TAF12: variants seen among roughly 807,000 people sequenced by gnomAD.
The protein encoded by TAF12 is TATA-box binding protein associated factor 12, also known as transcription initiation factor TFIID subunit 12.
A neutral mutation model predicts 20.8 loss-of-function variants in TAF12; 3 were observed. That is an observed-to-expected ratio of 0.14 (90% confidence interval 0.07 to 0.37). The LOEUF (loss-of-function observed/expected upper bound fraction) is 0.37. Among genes scored for constraint, TAF12 ranks in the 10% least tolerant of loss-of-function variants. The pLI is 1.00. For missense variants in TAF12, 131 were observed against 197.9 expected (o/e 0.66, Z 2.03); for synonymous variants, 69 against 70.2 (o/e 0.98, Z 0.09).
At chr1:28,610,122 T>C (rs929006970) in intron 4 of TAF12, among the ~76,000 whole-genome samples, 7 of 151,740 alleles carry the variant, frequency 4.6e-5, no homozygotes, top group Admixed American at 1.3e-4. Context: ...GGATTACAGG[T>C]ACCTGCCACC....
At chr1:28,638,173 GTATTT>G (rs766915282) in intron 1 of TAF12, among the ~76,000 whole-genome samples, 38 of 150,402 alleles carry the variant, frequency 2.5e-4, no homozygotes, top group Admixed American at 5.3e-4. Context: ...GCTAATTTTT[GTATTT>G]TATTTTATTT....
intron 1 of TAF12, among the ~76,000 whole-genome samples, chr1:28,633,647 C>T (rs1483605442): frequency 6.6e-6 from 1 of 151,498 alleles, no homozygotes; most frequent in Non-Finnish European, 1.5e-5. Context: ...TATGTTGGCT[C>T]ACACCTGTAA....
intron 1 of TAF12, among the ~76,000 whole-genome samples, chr1:28,628,149 C>T (rs984249744): frequency 2.8e-5 from 4 of 145,190 alleles, no homozygotes; most frequent in Non-Finnish European, 4.5e-5. Context: ...AACCTGAGCT[C>T]GAGACCAGCC....
Position 28,621,771 on chromosome 1 carries a change from A to C in TAF12, c.168+143T>G, listed in dbSNP as rs1449820233. ...TCTACTTATATTAAAACAAACAAAA[A>C]AAGTTAGAAATCCAAAAGAGGGAAA... On this transcript the variant is annotated intron_variant, in intron 2 of 5. Coordinates refer to ENST00000373824, the MANE Select transcript of TAF12 (RefSeq NM_005644.4). The C allele has an allele frequency of 3.1e-6, 4 of 1,299,356 alleles. No individual in the cohort carries two copies. The East Asian group carries it at 8.1e-5, about 26-fold the overall frequency. The allele number at this position is 1,299,356 out of a possible 1,614,324, so 80.5% of individuals were successfully genotyped here.
chr1:28,611,062 T>A (rs1160755691), intron 4 of TAF12, among the ~76,000 whole-genome samples: 1 of 146,598 alleles, frequency 6.8e-6, no homozygotes, highest in Non-Finnish European at 1.5e-5. Context: ...TCACCAGGAG[T>A]GATGCTGAAG....
At chr1:28,606,025 G>A (rs924634406) in intron 4 of TAF12, among the ~76,000 whole-genome samples, 2 of 151,540 alleles carry the variant, frequency 1.3e-5, no homozygotes, top group African/African-American at 2.4e-5. Context: ...TGGAGATGGA[G>A]TCTCACTCTG....
chr1:28,642,275 A>G (rs911904260), intron 1 of TAF12, among the ~76,000 whole-genome samples: 6 of 152,184 alleles, frequency 3.9e-5, no homozygotes, highest in Non-Finnish European at 5.9e-5. Context: ...TCCCCTGAAT[A>G]CGTCCTTTAT....
chr1:28,612,412 T>C (rs1463919898), intron 4 of TAF12, among the ~76,000 whole-genome samples: 1 of 150,636 alleles, frequency 6.6e-6, no homozygotes, highest in Non-Finnish European at 1.5e-5. Flanking sequence ...CACTGCACTC[T>C]AACCTGGGTG....
At chr1:28,608,941 CA>C (rs1172799829) in intron 4 of TAF12, among the ~76,000 whole-genome samples, 9 of 151,452 alleles carry the variant, frequency 5.9e-5, no homozygotes, top group African/African-American at 2.2e-4. Context: ...AATTCCGTCT[CA>C]AAAATAAATA....
chr1:28,623,994 C>T (rs1456622339), intron 1 of TAF12: 1 of 985,670 alleles, frequency 1.0e-6, no homozygotes, highest in Non-Finnish European at 1.2e-6. Flanking sequence ...CAGCTGTGAG[C>T]CCGGTGAAAT....
intron 1 of TAF12, chr1:28,624,010 G>A: frequency 1.0e-6 from 1 of 985,686 alleles, no homozygotes; most frequent in Non-Finnish European, 1.2e-6. Context: ...GAAATGAGAG[G>A]CAGCCATTTT....
At chr1:28,624,119 C>T (rs1393562988) in intron 1 of TAF12, 8 of 451,246 alleles carry the variant, frequency 1.8e-5, no homozygotes, top group Non-Finnish European at 2.3e-5. Flanking sequence ...AACCAGGATC[C>T]AAGCAAACTG....
chr1:28,645,059 G>A (rs1005942903), upstream of TAF12, among the ~76,000 whole-genome samples: 9 of 150,214 alleles, frequency 6.0e-5, no homozygotes, highest in Non-Finnish European at 1.2e-4. Context: ...TTTTTGAGAC[G>A]GAGTCTCGCT....
At chr1:28,605,667 C>A (rs982470518) in intron 4 of TAF12, among the ~76,000 whole-genome samples, 19 of 152,134 alleles carry the variant, frequency 1.2e-4, no homozygotes, top group Admixed American at 6.6e-4. Context: ...ACTCTGTCAC[C>A]CAGAGTGGGG....
intron 1 of TAF12, among the ~76,000 whole-genome samples, chr1:28,635,658 T>C (rs558327274): frequency 1.3e-5 from 2 of 152,112 alleles, no homozygotes; most frequent in East Asian, 1.9e-4. Flanking sequence ...CAAGCCCTAA[T>C]TGCTTCCCTT....
chr1:28,636,508 A>G (rs970816090), intron 1 of TAF12, among the ~76,000 whole-genome samples: 9 of 151,474 alleles, frequency 5.9e-5, no homozygotes, highest in African/African-American at 2.2e-4. Flanking sequence ...AATGAAGTAC[A>G]GGGTGGGCTT....
chr1:28,636,771 A>T (rs558893242), intron 1 of TAF12, among the ~76,000 whole-genome samples: 1 of 152,146 alleles, frequency 6.6e-6, no homozygotes, highest in East Asian at 1.9e-4. Context: ...ACTGCACTCC[A>T]ACGTGGGTGA....
At chr1:28,634,412 T>A (rs530747219) in intron 1 of TAF12, among the ~76,000 whole-genome samples, 168 of 98,716 alleles carry the variant, frequency 1.7e-3, no homozygotes, top group Non-Finnish European at 2.6e-3. Flanking sequence ...CGAGACTCCA[T>A]CTCAAAAAAA....
intron 1 of TAF12, among the ~76,000 whole-genome samples, chr1:28,639,508 G>A (rs1269509900): frequency 1.3e-5 from 2 of 151,030 alleles, no homozygotes; most frequent in East Asian, 3.9e-4. Flanking sequence ...TTCTGATCGG[G>A]TATTTTGAAG....
Sources: allele counts gnomAD v4.1 joint callset (sites outside exome capture counted in the v4.1 genomes callset), GRCh38; gene constraint gnomAD v4.1.1; transcripts MANE v1.5; gene names NCBI Gene and HGNC (gene_info 2026-07-23, HGNC 2026-07-21).